The following BCL11A variants were observed in gnomAD, a reference collection of about 807,000 sequenced individuals.
BCL11A encodes the protein B cell CLL/lymphoma 11A.
A neutral mutation model predicts 55.9 loss-of-function variants in BCL11A; 2 were observed. The ratio of observed to expected loss-of-function variants is 0.04; its 90% CI spans 0.01 to 0.11. The LOEUF is 0.11. Among genes scored for constraint, BCL11A ranks in the 10% least tolerant of loss-of-function variants. The probability of loss-of-function intolerance (pLI) is 1.00; values close to 1 mark genes in which losing one functional copy is unlikely to be tolerated. For missense variants in BCL11A, 817 were observed against 1,137.1 expected, an observed-to-expected ratio of 0.72 and a Z score of 4.05; for synonymous variants, 465 against 473.4, an observed-to-expected ratio of 0.98 and a Z score of 0.23.
intron 1 of BCL11A, 27 bp downstream of exon 1, chr2:60,553,189 T>G (rs1573109626): frequency 1.3e-6 from 2 of 1,587,888 alleles, no homozygotes; most frequent in East Asian, 4.6e-5. Flanking sequence ...TATTAATAAT[T>G]ATTATTACTA....
In BCL11A at chr2:60,539,545, A is replaced by G. The variant is rs540847169; in HGVS notation, c.385+6426T>C. ...GTAAAAAGCAGGGAGACAAATTCCA[A>G]TGAACCCAATATGGAATAAGTTACA... On this transcript the variant is annotated intron_variant, in intron 2 of 3. Transcript: ENST00000642384. Among the ~76,000 whole-genome samples the G allele has an allele frequency of 5.3e-5, 8 of 152,364 alleles. No individual in the cohort carries two copies. The South Asian group carries it at 1.7e-3, about 32-fold the overall frequency.
rs147805367 is a variant in BCL11A at position 60,516,625 on chromosome 2, A to G, written c.385+29346T>C. Reference sequence around the variant, plus strand: ...AAGCTCAATATGGACAAGGACAGAGAGGGGCACCTGGGATGGGAGAAATGT... The same window carrying G: ...AAGCTCAATATGGACAAGGACAGAGGGGGGCACCTGGGATGGGAGAAATGT... On this transcript the variant is annotated intron_variant, in intron 2 of 3. Coordinates refer to ENST00000642384, the MANE Select transcript of BCL11A (RefSeq NM_022893.4). Among the ~76,000 whole-genome samples, 71 of 152,308 alleles carry G rather than the reference A, an allele frequency of 4.7e-4. 1 individual carries two copies. The East Asian group carries it at 0.013, about 28-fold the overall frequency.
chr2:60,522,801 A>G (rs1380161724), intron 2 of BCL11A: 2 of 152,240 alleles, frequency 1.3e-5, no homozygotes, highest in Non-Finnish European at 2.9e-5. Context: ...TCTGCACAGA[A>G]TTCATTCACA....
rs1386300623 is a variant in BCL11A, at chr2:60,483,177, C to T, written c.386-14344G>A. On this transcript the variant is annotated intron_variant, in intron 2 of 3. Transcript: ENST00000642384. The stretch of plus-strand genomic sequence containing the variant: ...ATCAACACAGGCGAGAGAAGTGTTG[C>T]TCCTTAATGCTACACTTCCTGAACA... Among the ~76,000 whole-genome samples the T allele has an allele frequency of 5.9e-5, 9 of 152,190 alleles. No homozygotes were observed. In the East Asian group the frequency reaches 1.5e-3, roughly 26 times the overall value.
In BCL11A at chr2:60,461,214, C is replaced by T. The variant is rs772930174; in HGVS notation, c.1698G>A (p.Leu566=). The T allele has an allele frequency of 1.9e-6, 3 of 1,611,930 alleles. No individual in the cohort carries two copies. In the South Asian group the frequency reaches 3.3e-5, roughly 18 times the overall value. The change falls in exon 4 of 4, where the codon CTG becomes CTA. Residue 566 remains leucine (L), a synonymous_variant. Coordinates refer to ENST00000642384, the MANE Select transcript of BCL11A (RefSeq NM_022893.4). Reference sequence around the variant, plus strand: ...GGTGGCCGCGCTTATGCTTCTCGCCCAGGACCTGGTGGAAGGCCTCGCTGA... The same window carrying T: ...GGTGGCCGCGCTTATGCTTCTCGCCTAGGACCTGGTGGAAGGCCTCGCTGA... ...QHFSEAFHQV[L]GEKHKRGHLA...
intron 2 of BCL11A, among the ~76,000 whole-genome samples, chr2:60,501,650 G>C (rs991096256): frequency 6.6e-6 from 1 of 151,630 alleles, no homozygotes; most frequent in Non-Finnish European, 1.5e-5. Flanking sequence ...GGGATTACAG[G>C]CATGTGCGAC....
intron 2 of BCL11A, chr2:60,542,664 A>G: frequency 6.6e-6 from 1 of 152,258 alleles, no homozygotes; most frequent in Non-Finnish European, 1.5e-5. Context: ...TGTACAGCTC[A>G]TATGTGTACG....
chr2:60,494,174 C>G (rs1678813298), intron 2 of BCL11A, among the ~76,000 whole-genome samples: 1 of 152,098 alleles, frequency 6.6e-6, no homozygotes, highest in Admixed American at 6.5e-5. Flanking sequence ...ATTCTTACGC[C>G]TAGGGCAATA....
At chr2:60,523,083 G>A (rs1483704599) in intron 2 of BCL11A, among the ~76,000 whole-genome samples, 1 of 152,174 alleles carries the variant, frequency 6.6e-6, no homozygotes, top group Non-Finnish European at 1.5e-5. Flanking sequence ...TATCTTTCAG[G>A]ATATAAAATA....
intron 2 of BCL11A, among the ~76,000 whole-genome samples, chr2:60,518,763 G>A (rs1558466574): frequency 6.6e-6 from 1 of 152,160 alleles, no homozygotes; most frequent in African/African-American, 2.4e-5. Flanking sequence ...GGCATTCCTG[G>A]GGGCCGGGCG....
At chr2:60,541,931 A>G (rs1338398616) in intron 2 of BCL11A, 7 of 705,590 alleles carry the variant, frequency 9.9e-6, no homozygotes, top group Admixed American at 2.1e-5. Context: ...CTGAGCTAGG[A>G]GAGAATCAGA....
chr2:60,493,455 T>C (rs1678764998), intron 2 of BCL11A, among the ~76,000 whole-genome samples: 1 of 152,000 alleles, frequency 6.6e-6, no homozygotes, highest in African/African-American at 2.4e-5. Flanking sequence ...CCAAACCCTA[T>C]ATCCCAGCTA....
At chr2:60,516,067 G>A (rs1412896420) in intron 2 of BCL11A, among the ~76,000 whole-genome samples, 1 of 152,182 alleles carries the variant, frequency 6.6e-6, no homozygotes, top group Non-Finnish European at 1.5e-5. Flanking sequence ...TATGAAAAAG[G>A]GAAGCAGGGA....
intron 2 of BCL11A, among the ~76,000 whole-genome samples, chr2:60,487,357 G>A (rs1678339959): frequency 6.6e-6 from 1 of 152,172 alleles, no homozygotes; most frequent in African/African-American, 2.4e-5. Context: ...CACACCGAGA[G>A]TGGAAAAAGA....
intron 2 of BCL11A, among the ~76,000 whole-genome samples, chr2:60,511,979 A>T (rs550207553): frequency 2.8e-4 from 43 of 152,324 alleles, no homozygotes; most frequent in Non-Finnish European, 3.2e-4. Context: ...AAAGAAAGGG[A>T]ACCAGCTCAT....
At chr2:60,487,435 C>T (rs190453187) in intron 2 of BCL11A, among the ~76,000 whole-genome samples, 1 of 152,108 alleles carries the variant, frequency 6.6e-6, no homozygotes, top group Admixed American at 6.5e-5. Flanking sequence ...ATTGGGAAAT[C>T]GTCTTCTCAA....
intron 2 of BCL11A, among the ~76,000 whole-genome samples, chr2:60,518,326 G>A (rs552484321): frequency 4.7e-4 from 71 of 152,218 alleles, no homozygotes; most frequent in South Asian, 6.2e-4. Flanking sequence ...TAGACCTACC[G>A]TTCCATACCA....
chr2:60,451,639 T>C (rs1417438039), exon 5 of BCL11A: 2 of 230,858 alleles, frequency 8.7e-6, no homozygotes, highest in Non-Finnish European at 1.7e-5. Context: ...TGCATTAAGA[T>C]ATATTTCCTG....
chr2:60,475,831 A>G (rs745595087), intron 2 of BCL11A, among the ~76,000 whole-genome samples: 9 of 151,492 alleles, frequency 5.9e-5, no homozygotes, highest in Non-Finnish European at 8.8e-5. Context: ...CACTGCCACC[A>G]CTCCCCGGAT....
Sources: gnomAD v4.1 joint callset for allele counts (sites outside exome capture counted in the v4.1 genomes callset) on GRCh38, gnomAD v4.1.1 for gene constraint, MANE v1.5 for transcripts, NCBI Gene and HGNC (gene_info 2026-07-23, HGNC 2026-07-21) for gene names.